The following ZNF33A variants were observed in gnomAD, a reference collection of about 807,000 sequenced individuals.
The protein encoded by ZNF33A is brain my041 protein.
ZNF33A carries 9 observed loss-of-function variants against 15.9 expected under a neutral mutation model. That is an observed-to-expected ratio of 0.57 (90% CI 0.34 to 0.99). ZNF33A has a LOEUF of 0.99. Ranked by LOEUF, ZNF33A falls within the 50% of genes least tolerant of loss-of-function variation. The pLI is 0.02. For missense variants in ZNF33A, 843 were observed against 941.6 expected (o/e 0.90, Z 1.37); for synonymous variants, 294 against 324.2 (o/e 0.91, Z 1.00).
intron 2 of ZNF33A, among the ~76,000 whole-genome samples, chr10:38,013,533 T>C (rs926328075): frequency 2.6e-5 from 4 of 151,504 alleles, no homozygotes; most frequent in African/African-American, 7.3e-5. Flanking sequence ...GTTCAAGTGA[T>C]TCTCCTGCCT....
chr10:38,054,500 T>G lies in ZNF33A; in HGVS notation c.376T>G (p.Phe126Val). The change falls in exon 5 of 5, where the codon TTT becomes GTT. Residue 126 changes from phenylalanine (F) to valine (V), a missense_variant. Transcript: ENST00000432900. The stretch of plus-strand genomic sequence containing the variant: ...ACAAGGTGATGTAATAGGAATACCA[T>G]TTAATGTGGATGTAAGTTCTTTTCC... ...KEQGDVIGIP[F>V]NVDVSSFPSR... 6.2e-7 allele frequency: 1 copy of G among 1,612,992 alleles called. No individual in the cohort carries two copies. The highest frequency in any genetic ancestry group is 8.5e-7 in the Non-Finnish European group (1 of 1,179,664).
rs556861842 is a variant in ZNF33A at position 38,027,775 on chromosome 10, C to T, written c.250+10389C>T. 3.3e-5 allele frequency among the ~76,000 whole-genome samples: 5 copies of T among 152,250 alleles called. No homozygotes were observed. The East Asian group carries it at 7.7e-4, about 23-fold the overall frequency. The stretch of plus-strand genomic sequence containing the variant: ...TACTTTTTATATCTTATTGATGGAA[C>T]GACCCTTTATTCATATATAGTATCC... On this transcript the variant is annotated intron_variant, in intron 4 of 4. Coordinates refer to ENST00000432900, the MANE Select transcript of ZNF33A (RefSeq NM_006954.2).
At chr10:38,065,363 C>T (rs1396559496), downstream of ZNF33A, among the ~76,000 whole-genome samples, 2 of 152,188 alleles carry the variant, frequency 1.3e-5, no homozygotes, top group Non-Finnish European at 2.9e-5. Context: ...AGCCACCGTG[C>T]TCGGCCAGGA....
intron 4 of ZNF33A, among the ~76,000 whole-genome samples, chr10:38,022,392 CATGCCTGTT>C (rs1228060422): frequency 6.6e-6 from 1 of 152,100 alleles, no homozygotes. Context: ...TGTGGTGGCT[CATGCCTGTT>C]ATTCCAACAC....
Position 38,055,500 on chromosome 10 carries a change from A to T in ZNF33A, c.1376A>T (p.His459Leu). 3.7e-6 allele frequency: 6 copies of T among 1,614,078 alleles called. No homozygotes were observed. Among genetic ancestry groups the T allele is most frequent in the Non-Finnish European group, 5.1e-6 (6 of 1,179,982 alleles). Reference sequence around the variant, plus strand: ...CGTGTGACTTCGCACCTTAAAGTACACCAGAGAACTCACACAGGTGAGAAA... The same window carrying T: ...CGTGTGACTTCGCACCTTAAAGTACTCCAGAGAACTCACACAGGTGAGAAA... ...SFRVTSHLKV[H>L]QRTHTGEKPF... The change falls in exon 5 of 5, where the codon CAC (histidine) becomes CTC (leucine). Residue 459 changes from histidine (H) to leucine (L), a missense_variant. His to Leu is a moderately conservative substitution (Grantham distance 99). Transcript: ENST00000432900.
intron 4 of ZNF33A, among the ~76,000 whole-genome samples, chr10:38,033,527 C>T (rs1046066841): frequency 2.6e-5 from 4 of 152,064 alleles, no homozygotes; most frequent in African/African-American, 7.2e-5. Flanking sequence ...TTGGGAACTG[C>T]CTGATTGTTG....
chr10:38,044,931 G>C (rs1024976652), intron 4 of ZNF33A, among the ~76,000 whole-genome samples: 2 of 152,202 alleles, frequency 1.3e-5, no homozygotes, highest in African/African-American at 4.8e-5. Flanking sequence ...ACCTCCCAAA[G>C]TACTGGGATT....
chr10:38,066,471 C>A (rs1216789448), downstream of ZNF33A, among the ~76,000 whole-genome samples: 4 of 151,684 alleles, frequency 2.6e-5, no homozygotes. Flanking sequence ...CCAGGCCGGT[C>A]TTGAATTCCT....
At chr10:38,040,120 A>C (rs1218141808) in intron 4 of ZNF33A, among the ~76,000 whole-genome samples, 1 of 149,768 alleles carries the variant, frequency 6.7e-6, no homozygotes, top group Non-Finnish European at 1.5e-5. Flanking sequence ...TTTTTTTTTT[A>C]ACTTCGGAAT....
Position 38,018,137 on chromosome 10 carries a change from G to A in ZNF33A, c.250+751G>A, listed in dbSNP as rs146311465. On this transcript the variant is annotated intron_variant, in intron 4 of 4. Transcript: ENST00000432900. ...ATAAAAAAATAAATTATGCCTCTAA[G>A]TATATTATGTATACCTATATGTATA... 7.6e-3 allele frequency among the ~76,000 whole-genome samples: 1,154 copies of A among 152,252 alleles called. 10 individuals are homozygous for A. Among genetic ancestry groups the A allele is most frequent in the Middle Eastern group, 0.014 (4 of 294 alleles).
intron 4 of ZNF33A, among the ~76,000 whole-genome samples, chr10:38,021,278 A>G (rs970601109): frequency 1.6e-4 from 24 of 152,226 alleles, no homozygotes; most frequent in African/African-American, 5.8e-4. Context: ...CAATCCAACA[A>G]AAATGCAATG....
At chr10:38,064,934 AT>A (rs1257401418), downstream of ZNF33A, 1 of 151,768 alleles carries the variant, frequency 6.6e-6, no homozygotes, top group Non-Finnish European at 1.5e-5. Context: ...CTCAGAGTTC[AT>A]TCATTCCAGA....
intron 4 of ZNF33A, among the ~76,000 whole-genome samples, chr10:38,054,146 A>G (rs1030490586): frequency 9.2e-5 from 14 of 152,114 alleles, no homozygotes; most frequent in Non-Finnish European, 1.5e-4. Context: ...TCAATAGTTA[A>G]ATTCCTCTCT....
At chr10:38,011,087 T>G (rs949821240) in intron 1 of ZNF33A, among the ~76,000 whole-genome samples, 3 of 152,214 alleles carry the variant, frequency 2.0e-5, no homozygotes, top group South Asian at 2.1e-4. Flanking sequence ...TTGTCTAGCC[T>G]GTGCGCGTGT....
chr10:38,019,974 T>C (rs2064662334), intron 4 of ZNF33A, among the ~76,000 whole-genome samples: 1 of 152,176 alleles, frequency 6.6e-6, no homozygotes, highest in Non-Finnish European at 1.5e-5. Context: ...CTTCAAGTGG[T>C]AAAATGTCTG....
rs752669214 is a variant in ZNF33A at position 38,057,103 on chromosome 10, G to A, written c.*543G>A. 4.3e-6 allele frequency: 3 copies of A among 694,490 alleles called. No homozygotes were observed. The highest frequency in any genetic ancestry group is 5.3e-6 in the Non-Finnish European group (3 of 563,578). The allele number at this position is 694,490 out of a possible 1,614,324, so 43.0% of individuals were successfully genotyped here. On this transcript the variant is annotated 3_prime_UTR_variant, in exon 5 of 5. Coordinates refer to ENST00000432900, the MANE Select transcript of ZNF33A (RefSeq NM_006954.2). Reference sequence around the variant, plus strand: ...ACTTAGTCAGATTTTACTATGGTTTGCATGCACTCTGTGTGTGTGTGTACG... The same window carrying A: ...ACTTAGTCAGATTTTACTATGGTTTACATGCACTCTGTGTGTGTGTGTACG...
downstream of ZNF33A, chr10:38,064,096 G>A (rs1399770323): frequency 2.5e-6 from 4 of 1,597,674 alleles, no homozygotes; most frequent in East Asian, 4.5e-5. Flanking sequence ...AGGCCCCTGA[G>A]ATGCTCATGC....
chr10:38,025,852 G>C (rs2064964091), intron 4 of ZNF33A, among the ~76,000 whole-genome samples: 1 of 152,188 alleles, frequency 6.6e-6, no homozygotes, highest in African/African-American at 2.4e-5. Flanking sequence ...TCACAATGTT[G>C]TATAGCCATT....
rs1403353366 is a variant in ZNF33A, at chr10:38,017,487, T to A, written c.250+101T>A. The A allele has an allele frequency of 7.4e-6, 6 of 809,192 alleles. No homozygotes were observed. The Admixed American group carries it at 1.2e-4, about 17-fold the overall frequency. 50.1% of individuals were successfully genotyped at this position (809,192 alleles called of 1,614,324 possible). A position where few individuals can be genotyped will look rare whatever the true frequency, so the allele number is the denominator to read the frequency against. On this transcript the variant is annotated intron_variant, in intron 4 of 4. Coordinates refer to ENST00000432900, the MANE Select transcript of ZNF33A (RefSeq NM_006954.2). ...CTTTGGAAGATTTTTCAAGAACATC[T>A]CCATAGGGATCCTAACCTCTGGAAG...
Sources: allele counts gnomAD v4.1 joint callset (sites outside exome capture counted in the v4.1 genomes callset), GRCh38; gene constraint gnomAD v4.1.1; transcripts MANE v1.5; gene names NCBI Gene and HGNC (gene_info 2026-07-23, HGNC 2026-07-21).